Variants in NBEA observed in about 807,000 individuals in gnomAD.
NBEA encodes neurobeachin, also known as lysosomal-trafficking regulator 2.
In NBEA, 44 loss-of-function variants were observed where a neutral mutation model predicts 343.4. The observed-to-expected ratio is 0.13, with a 90% confidence interval of 0.10 to 0.16. The LOEUF (loss-of-function observed/expected upper bound fraction) is 0.16, where lower values mean the gene tolerates loss of function less well. NBEA is among the 10% of genes least tolerant of loss of function. NBEA has a pLI of 1.00. For synonymous variants in NBEA, 1,175 were observed against 1,238.7 expected (o/e 0.95, Z 1.08); for missense variants, 2,555 against 3,631.3 (o/e 0.70, Z 7.62).
intron 18 of NBEA, among the ~76,000 whole-genome samples, chr13:35,150,081 A>T (rs1345097140): frequency 1.3e-5 from 2 of 152,162 alleles, no homozygotes; most frequent in African/African-American, 4.8e-5. Context: ...CTGATACTGG[A>T]TGTGGGATGA....
At position 35,645,916 on chromosome 13, in the gene NBEA, A is replaced by G; in HGVS notation, c.7665A>G (p.Thr2555=). The change falls in exon 50 of 59, where the codon ACA becomes ACG. Residue 2555 remains threonine, a synonymous_variant. Coordinates refer to ENST00000379939, the MANE Select transcript of NBEA (RefSeq NM_001385012.1). The part of the protein sequence containing the change: ...FIRDPHTFLL[T]KDFIKAMEAQ... ...GAGACCCCCACACTTTCCTTCTTAC[A>G]AAGGACTTTATTAAGGTATATGTTC... 2.6e-6 allele frequency: 4 copies of G among 1,568,194 alleles called. No individual in the cohort carries two copies. Among genetic ancestry groups the G allele is most frequent in the Non-Finnish European group, 3.5e-6 (4 of 1,151,682 alleles).
intron 17 of NBEA, among the ~76,000 whole-genome samples, chr13:35,124,397 G>C (rs551688960): frequency 6.6e-6 from 1 of 150,546 alleles, no homozygotes; most frequent in Non-Finnish European, 1.5e-5. Flanking sequence ...CGGTACCAAA[G>C]AATAATTAAG....
At position 35,288,465 on chromosome 13, in the gene NBEA, T is replaced by A. The variant is rs537378004; in HGVS notation, c.5777-1924T>A. On this transcript the variant is annotated intron_variant, in intron 34 of 58. Transcript: ENST00000379939. Reference sequence around the variant, plus strand: ...ATGGACTTGAAATCACAATAGCCTTTTACAAAATACTGAGAGCACTGTTTG... The same window carrying A: ...ATGGACTTGAAATCACAATAGCCTTATACAAAATACTGAGAGCACTGTTTG... Among the ~76,000 whole-genome samples the A allele has an allele frequency of 4.6e-5, 7 of 152,102 alleles. No individual in the cohort carries two copies. The South Asian group carries it at 1.5e-3, about 32-fold the overall frequency.
chr13:35,211,952 C>T (rs1410423491), intron 33 of NBEA, among the ~76,000 whole-genome samples: 2 of 151,988 alleles, frequency 1.3e-5, no homozygotes, highest in East Asian at 3.9e-4. Context: ...AAAGACCATT[C>T]CTAGAAGAGA....
chr13:35,522,540 C>T (rs958710760), intron 41 of NBEA, among the ~76,000 whole-genome samples: 3 of 140,710 alleles, frequency 2.1e-5, no homozygotes, highest in African/African-American at 5.2e-5. Context: ...AGTCTGGAGG[C>T]AGGGGCATTG....
At chr13:35,538,336 A>G (rs993318002) in intron 41 of NBEA, among the ~76,000 whole-genome samples, 8 of 152,214 alleles carry the variant, frequency 5.3e-5, no homozygotes, top group Non-Finnish European at 1.0e-4. Context: ...GCATTGAACT[A>G]TCAGAAAGCA....
chr13:35,388,145 A>G (rs1406040061), intron 38 of NBEA, among the ~76,000 whole-genome samples: 1 of 152,156 alleles, frequency 6.6e-6, no homozygotes, highest in African/African-American at 2.4e-5. Context: ...CTACTAGGTA[A>G]CCTTTGATCT....
At chr13:35,655,503 A>G in intron 54 of NBEA, 76 bp from the exon 55 acceptor site, 3 of 1,401,248 alleles carry the variant, frequency 2.1e-6, no homozygotes, top group Non-Finnish European at 2.9e-6. Context: ...TTTTTTAAAA[A>G]ATCTGATAAA....
intron 40 of NBEA, among the ~76,000 whole-genome samples, chr13:35,459,676 G>T (rs1402815181): frequency 6.6e-6 from 1 of 152,094 alleles, no homozygotes; most frequent in Non-Finnish European, 1.5e-5. Context: ...CACAGGCAAA[G>T]TTGTTTATAT....
At chr13:35,086,966 C>T (rs1165460533) in intron 10 of NBEA, among the ~76,000 whole-genome samples, 3 of 151,604 alleles carry the variant, frequency 2.0e-5, no homozygotes, top group South Asian at 2.1e-4. Context: ...TGTATGTTCA[C>T]GTCCTTAGCC....
At chr13:35,408,196 A>G (rs1210482354) in intron 38 of NBEA, among the ~76,000 whole-genome samples, 2 of 152,206 alleles carry the variant, frequency 1.3e-5, no homozygotes, top group African/African-American at 2.4e-5. Flanking sequence ...GAACCCAGAA[A>G]TAAAACCAGA....
intron 36 of NBEA, among the ~76,000 whole-genome samples, chr13:35,331,944 T>C (rs534677488): frequency 6.6e-6 from 1 of 152,222 alleles, no homozygotes; most frequent in Admixed American, 6.5e-5. Context: ...TTTATTTACC[T>C]TGTTTTTTCC....
At chr13:35,656,426 A>G (rs2153082423) in intron 55 of NBEA, among the ~76,000 whole-genome samples, 1 of 152,334 alleles carries the variant, frequency 6.6e-6, no homozygotes, top group South Asian at 2.1e-4. Context: ...GTCTTACACA[A>G]ATAAATTTGT....
chr13:35,069,658 G>A (rs2152573708), intron 8 of NBEA, among the ~76,000 whole-genome samples: 1 of 152,140 alleles, frequency 6.6e-6, no homozygotes, highest in South Asian at 2.1e-4. Flanking sequence ...TTTTTCTAAT[G>A]AAATGATTTT....
chr13:35,457,191 A>G (rs2046626847), intron 40 of NBEA, among the ~76,000 whole-genome samples: 1 of 152,190 alleles, frequency 6.6e-6, no homozygotes, highest in Non-Finnish European at 1.5e-5. Flanking sequence ...ACCCATTTAA[A>G]ACACTTATGA....
At chr13:35,429,662 A>C (rs2044956131) in intron 38 of NBEA, among the ~76,000 whole-genome samples, 1 of 152,064 alleles carries the variant, frequency 6.6e-6, no homozygotes, top group Non-Finnish European at 1.5e-5. Flanking sequence ...AACAGGCAGT[A>C]TTTGGTTATG....
At chr13:35,518,120 T>C (rs1259138452) in intron 41 of NBEA, among the ~76,000 whole-genome samples, 1 of 152,158 alleles carries the variant, frequency 6.6e-6, no homozygotes, top group Non-Finnish European at 1.5e-5. Flanking sequence ...TAATTCCGGA[T>C]ATATGGAGGT....
chr13:35,286,761 G>A (rs1471748087), intron 34 of NBEA, among the ~76,000 whole-genome samples: 2 of 151,838 alleles, frequency 1.3e-5, no homozygotes, highest in Non-Finnish European at 2.9e-5. Context: ...TATCATTTGT[G>A]GCAGTTTTTT....
intron 45 of NBEA, among the ~76,000 whole-genome samples, chr13:35,575,122 A>AAAT (rs568261549): frequency 3.8e-4 from 58 of 152,312 alleles, no homozygotes; most frequent in Admixed American, 3.4e-3. Context: ...CCACCCTATG[A>AAAT]AAAACTATAA....
Sources: allele counts gnomAD v4.1 joint callset (sites outside exome capture counted in the v4.1 genomes callset), GRCh38; gene constraint gnomAD v4.1.1; transcripts MANE v1.5; gene names NCBI Gene and HGNC (gene_info 2026-07-23, HGNC 2026-07-21).